The following NLRC4 variants were observed in gnomAD, a reference collection of about 807,000 sequenced individuals.
The protein encoded by NLRC4 is NLR family CARD domain-containing protein 4.
Under a neutral mutation model 79.9 loss-of-function variants are expected in NLRC4, and 63 were observed. The ratio of observed to expected loss-of-function variants is 0.79; its 90% confidence interval spans 0.64 to 0.97. The LOEUF is 0.97. Ranked by LOEUF, NLRC4 falls within the 50% of genes least tolerant of loss-of-function variation. The pLI, the probability that NLRC4 is intolerant of heterozygous loss-of-function variation, is 0.00. For synonymous variants in NLRC4, 461 were observed against 456.5 expected, an observed-to-expected ratio of 1.01 and a Z score of -0.12; for missense variants, 1,074 against 1,215.2, an observed-to-expected ratio of 0.88 and a Z score of 1.73.
At chr2:32,227,140 T>G (rs777996742) in intron 8 of NLRC4, among the ~76,000 whole-genome samples, 1 of 149,244 alleles carries the variant, frequency 6.7e-6, no homozygotes, top group African/African-American at 2.5e-5. Flanking sequence ...GGCCATAAAG[T>G]CAAAAATAAC....
At chr2:32,237,725 A>C (rs1324967701) in intron 6 of NLRC4, among the ~76,000 whole-genome samples, 1 of 152,226 alleles carries the variant, frequency 6.6e-6, no homozygotes, top group African/African-American at 2.4e-5. Context: ...ACTTCATCTT[A>C]ACAGGGCAAT....
Position 32,251,337 on chromosome 2 carries a change from G to A in NLRC4, c.527C>T (p.Ser176Phe), listed in dbSNP as rs141248470. 3.7e-6 allele frequency: 6 copies of A among 1,614,000 alleles called. No homozygotes were observed. In the African/African-American group the frequency reaches 8.0e-5, roughly 22 times the overall value. ...CATGGCAATTCGCTGCAGCAGAGTG[G>A]ACTTGCCTTTGCCAGATTCCCCTTC... The part of the protein sequence containing the change: ...IIEGESGKGK[S>F]TLLQRIAMLW... The change falls in exon 4 of 9, where the codon TCC (serine) becomes TTC (phenylalanine). Residue 176 changes from serine (S) to phenylalanine (F), a missense_variant. Ser to Phe is a radical substitution (Grantham distance 155). Coordinates refer to ENST00000402280, the MANE Select transcript of NLRC4 (RefSeq NM_001199138.2).
intron 5 of NLRC4, among the ~76,000 whole-genome samples, chr2:32,240,401 CAAAAAAAA>C (rs36105309): frequency 1.1e-3 from 126 of 118,182 alleles, no homozygotes; most frequent in Non-Finnish European, 1.4e-3. Context: ...AAAAAAGAGC[CAAAAAAAA>C]AAAAAAAAAA....
intron 8 of NLRC4, among the ~76,000 whole-genome samples, chr2:32,225,445 G>A (rs986496232): frequency 1.5e-5 from 2 of 136,086 alleles, no homozygotes; most frequent in Non-Finnish European, 3.2e-5. Flanking sequence ...GTGTGTGTGT[G>A]TATACATACA....
chr2:32,229,709 GAGAAGTAGCCA>G (rs1686487466), intron 8 of NLRC4, among the ~76,000 whole-genome samples: 1 of 152,182 alleles, frequency 6.6e-6, no homozygotes, highest in Non-Finnish European at 1.5e-5. Context: ...AAAGAAGACT[GAGAAGTAGCCA>G]AGGTGGCATG....
At chr2:32,263,296 C>G (rs1007243450) in intron 1 of NLRC4, among the ~76,000 whole-genome samples, 2 of 152,172 alleles carry the variant, frequency 1.3e-5, no homozygotes, top group Non-Finnish European at 2.9e-5. Flanking sequence ...GTTACTTAGC[C>G]TTTCCGAATC....
intron 2 of NLRC4, among the ~76,000 whole-genome samples, chr2:32,255,191 C>A (rs1687177069): frequency 6.6e-6 from 1 of 151,052 alleles, no homozygotes; most frequent in Non-Finnish European, 1.5e-5. Flanking sequence ...ACCTCTAAGT[C>A]TGTGTCCCAT....
chr2:32,251,255 G>A lies in NLRC4; in HGVS notation c.609C>T (p.Leu203=). The change falls in exon 4 of 9, where the codon CTC becomes CTT. Residue 203 remains leucine, a synonymous_variant. Coordinates refer to ENST00000402280, the MANE Select transcript of NLRC4 (RefSeq NM_001199138.2). The part of the protein sequence containing the change: ...ALTKFKFVFF[L]RLSRAQGGLF... ...GTCCACCCTGGGCCCTGCTGAGACG[G>A]AGGAAGAAGACGAATTTGAACTTGG... The A allele has an allele frequency of 1.2e-6, 2 of 1,614,136 alleles. No individual in the cohort carries two copies. Among genetic ancestry groups the A allele is most frequent in the Non-Finnish European group, 8.5e-7 (1 of 1,180,020 alleles).
intron 1 of NLRC4, among the ~76,000 whole-genome samples, chr2:32,262,700 C>A (rs1687379237): frequency 6.6e-6 from 1 of 151,698 alleles, no homozygotes; most frequent in Non-Finnish European, 1.5e-5. Flanking sequence ...TTCTTGAACC[C>A]AGGAGGTGGA....
intron 4 of NLRC4, among the ~76,000 whole-genome samples, chr2:32,248,557 C>G (rs1268729203): frequency 6.6e-6 from 1 of 152,198 alleles, no homozygotes; most frequent in Non-Finnish European, 1.5e-5. Context: ...TGGTGGCTCA[C>G]GCCTGTAATC....
chr2:32,238,062 G>A (rs1275242957), intron 6 of NLRC4, 70 bp downstream of exon 6: 15 of 1,079,654 alleles, frequency 1.4e-5, no homozygotes, highest in Non-Finnish European at 2.0e-5. Flanking sequence ...GACATTTAGT[G>A]TGAATTAGTA....
At chr2:32,255,175 GA>G (rs1334877459) in intron 2 of NLRC4, among the ~76,000 whole-genome samples, 2 of 151,868 alleles carry the variant, frequency 1.3e-5, no homozygotes, top group Non-Finnish European at 2.9e-5. Flanking sequence ...CATCCCTATG[GA>G]AGTAACCTCT....
chr2:32,260,233 A>AC (rs1180842863), intron 1 of NLRC4, among the ~76,000 whole-genome samples: 1 of 147,724 alleles, frequency 6.8e-6, no homozygotes, highest in East Asian at 2.0e-4. Context: ...AAAAAAAAAA[A>AC]CAACGAAAAA....
At chr2:32,251,771 C>T (rs910920364) in intron 3 of NLRC4, among the ~76,000 whole-genome samples, 170 bp from the exon 4 acceptor site, 1 of 152,134 alleles carries the variant, frequency 6.6e-6, no homozygotes, top group South Asian at 2.1e-4. Context: ...CCCCTTTCCC[C>T]AGCATCCTTT....
intron 4 of NLRC4, 121 bp from the exon 5 acceptor site, chr2:32,241,246 T>TAAATA: frequency 1.5e-6 from 1 of 663,800 alleles, no homozygotes; most frequent in Non-Finnish European, 2.6e-6. Flanking sequence ...GAGCCAAAAA[T>TAAATA]GCTCATGAAA....
Position 32,252,505 on chromosome 2 carries a change from A to G in NLRC4, c.176T>C (p.Leu59Ser). The change falls in exon 3 of 9, where the codon TTG becomes TCG. Residue 59 changes from leucine to serine, a missense_variant. Coordinates refer to ENST00000402280, the MANE Select transcript of NLRC4 (RefSeq NM_001199138.2). ...GTTACAGGACTCTGAACCCTTTTTC[A>G]AAATCATGTGAATGATCCCTCTAGC... is the stretch of plus-strand genomic sequence containing the variant. The part of the protein sequence containing the change: ...DAARGIIHMI[L>S]KKGSESCNLF... 1 of 1,613,846 alleles carries G rather than the reference A, an allele frequency of 6.2e-7. No individual in the cohort carries two copies.
chr2:32,259,287 T>TTTTTTTTTTTTTTTTTTTTTTTC (rs1283926253), intron 1 of NLRC4, among the ~76,000 whole-genome samples: 4 of 135,500 alleles, frequency 3.0e-5, no homozygotes, highest in African/African-American at 1.1e-4. Flanking sequence ...TTTTTTTTTT[T>TTTTTTTTTTTTTTTTTTTTTTTC]TTTAGAGACA....
At position 32,251,302 on chromosome 2, in the gene NLRC4, A is replaced by G; in HGVS notation, c.562T>C (p.Ser188Pro). ...TTGGTCAGAGCCTTGCACTTTCCGG[A>G]GCCCCAGAGCATGGCAATTCGCTGC... ...LLQRIAMLWG[S>P]GKCKALTKFK... Residue 188 changes from serine to proline, a missense_variant, in exon 4 of 9, where the codon TCC (serine) becomes CCC (proline). Physicochemically the swap from Ser to Pro is moderately conservative, Grantham distance 74 (BLOSUM62 -1). Coordinates refer to ENST00000402280, the MANE Select transcript of NLRC4 (RefSeq NM_001199138.2). The G allele has an allele frequency of 6.2e-7, 1 of 1,614,090 alleles. No homozygotes were observed. Among genetic ancestry groups the G allele is most frequent in the Non-Finnish European group, 8.5e-7 (1 of 1,180,010 alleles).
Position 32,259,262 on chromosome 2 carries a change from A to ATTTTTTT in NLRC4, c.-118-2376_-118-2370dup, listed in dbSNP as rs57570626. Among the ~76,000 whole-genome samples, 58 of 52,896 alleles carry ATTTTTTT rather than the reference A, an allele frequency of 1.1e-3. 12 individuals carry two copies. The highest frequency in any genetic ancestry group is 2.3e-3 in the African/African-American group (25 of 10,700). The allele number at this position is 52,896 out of a possible 152,430, so 34.7% of individuals were successfully genotyped here. On this transcript the variant is annotated intron_variant, in intron 1 of 8. Transcript: ENST00000402280. ...AGGTGTGTGCCACCATGCCTGGCTA[A>ATTTTTTT]TTTTTTTTTTTTTTTTTTTTTTTTT...
Sources: gnomAD v4.1 joint callset for allele counts (sites outside exome capture counted in the v4.1 genomes callset) on GRCh38, gnomAD v4.1.1 for gene constraint, MANE v1.5 for transcripts, NCBI Gene and HGNC (gene_info 2026-07-23, HGNC 2026-07-21) for gene names.